SRGAP3: variants seen among roughly 807,000 people sequenced by gnomAD.
SRGAP3 encodes the protein SLIT-ROBO Rho GTPase-activating protein 3.
SRGAP3 carries 39 observed loss-of-function variants against 121.1 expected under a neutral mutation model. The ratio of observed to expected loss-of-function variants is 0.32; its 90% confidence interval spans 0.25 to 0.42. The LOEUF (loss-of-function observed/expected upper bound fraction) is 0.42, where lower values mean the gene tolerates loss of function less well. SRGAP3 is among the 10% of genes least tolerant of loss of function. The pLI is 1.00. For missense variants in SRGAP3, 1,213 were observed against 1,470.6 expected (o/e 0.82, Z 2.86); for synonymous variants, 601 against 570.0 (o/e 1.05, Z -0.77).
intron 3 of SRGAP3, among the ~76,000 whole-genome samples, chr3:9,081,462 A>G (rs907001287): frequency 6.6e-6 from 1 of 152,220 alleles, no homozygotes; most frequent in Admixed American, 6.5e-5. Context: ...TAAAAAGCTT[A>G]AACTAAAACA....
chr3:8,989,698 C>T (rs1307161602), intron 21 of SRGAP3, among the ~76,000 whole-genome samples: 4 of 152,154 alleles, frequency 2.6e-5, no homozygotes, highest in Non-Finnish European at 4.4e-5. Flanking sequence ...CCCATGAAAC[C>T]GGCTATGCAA....
chr3:9,091,626 G>A (rs191103969), intron 3 of SRGAP3, among the ~76,000 whole-genome samples: 1 of 152,304 alleles, frequency 6.6e-6, no homozygotes, highest in Non-Finnish European at 1.5e-5. Flanking sequence ...TCTCCAGCCT[G>A]TGCTGGAAGG....
intron 21 of SRGAP3, among the ~76,000 whole-genome samples, chr3:8,988,722 A>AT (rs1026347266): frequency 8.6e-5 from 13 of 150,712 alleles, no homozygotes; most frequent in Non-Finnish European, 1.3e-4. Context: ...GTGGAAGACA[A>AT]TTTTTCCACA....
In SRGAP3 at chr3:8,985,077, T is replaced by C. The variant is rs1409078451; in HGVS notation, c.*442A>G. 1 of 236,446 alleles carries C rather than the reference T, an allele frequency of 4.2e-6. No individual in the cohort carries two copies. The highest frequency in any genetic ancestry group is 2.2e-5 in the African/African-American group (1 of 45,142). The allele number at this position is 236,446 out of a possible 1,614,324, so 14.6% of individuals were successfully genotyped here. On this transcript the variant is annotated 3_prime_UTR_variant, in exon 22 of 22. Transcript: ENST00000383836. This position sits in a 1 kb window ranked among gnomAD's most constrained non-coding sequence, Gnocchi z 5.1. ...TATGCGTGTGTCCAGATCTAGTATATGTATATAGATGCATAAATATATATA... is the reference window on the plus strand; with the variant it reads ...TATGCGTGTGTCCAGATCTAGTATACGTATATAGATGCATAAATATATATA...
chr3:9,136,246 TCTC>T (rs1949643662), intron 1 of SRGAP3, among the ~76,000 whole-genome samples: 1 of 152,130 alleles, frequency 6.6e-6, no homozygotes, highest in Non-Finnish European at 1.5e-5. Context: ...TTGCCGCCCT[TCTC>T]CTAGCCTCCT....
At chr3:9,066,186 A>C (rs1360249539) in intron 4 of SRGAP3, among the ~76,000 whole-genome samples, 2 of 152,220 alleles carry the variant, frequency 1.3e-5, no homozygotes, top group Non-Finnish European at 2.9e-5. Flanking sequence ...CCATACCAAC[A>C]GCATTTTTAC....
intron 1 of SRGAP3, among the ~76,000 whole-genome samples, chr3:9,338,255 TAGATTCTAAATAAAAAA>T (rs1955724927): frequency 6.6e-6 from 1 of 152,150 alleles, no homozygotes; most frequent in Non-Finnish European, 1.5e-5. Context: ...CTTGCATATA[TAGATTCTAAATAAAAAA>T]AGAGTAGTAG....
At chr3:9,018,314 G>A (rs528338979) in intron 14 of SRGAP3, among the ~76,000 whole-genome samples, 20 of 152,254 alleles carry the variant, frequency 1.3e-4, no homozygotes, top group Admixed American at 7.2e-4. Flanking sequence ...TGCAGTAAAC[G>A]TGGGAGTGCA....
chr3:9,286,723 C>A (rs1208983357), intron 3 of SRGAP3, among the ~76,000 whole-genome samples: 1 of 150,404 alleles, frequency 6.6e-6, no homozygotes, highest in African/African-American at 2.4e-5. Flanking sequence ...CTGCCTCAGC[C>A]TCCTGAGTAG....
intron 1 of SRGAP3, among the ~76,000 whole-genome samples, chr3:9,174,240 GAA>G (rs906981828): frequency 3.3e-5 from 5 of 152,234 alleles, no homozygotes; most frequent in African/African-American, 1.2e-4. Flanking sequence ...TTTTCAGGTT[GAA>G]AAGAGTTCTG....
intron 21 of SRGAP3, among the ~76,000 whole-genome samples, chr3:8,987,728 G>A (rs113968970): frequency 1.3e-3 from 169 of 129,046 alleles, no homozygotes; most frequent in Admixed American, 1.9e-3. Context: ...CCAGAACACC[G>A]GCAACTTTAA....
At chr3:9,220,303 CAT>C (rs34680319) in intron 1 of SRGAP3, among the ~76,000 whole-genome samples, 35,799 of 151,752 alleles carry the variant, frequency 0.24, 4,451 homozygotes, top group East Asian at 0.5. Flanking sequence ...ACCCCATAAA[CAT>C]GTGCAATTAT....
intron 1 of SRGAP3, chr3:9,362,729 G>C (rs562152905): frequency 1.2e-4 from 18 of 152,226 alleles, no homozygotes; most frequent in African/African-American, 4.3e-4. Flanking sequence ...TAAATAAGCT[G>C]GAGAGACTCG....
intron 1 of SRGAP3, among the ~76,000 whole-genome samples, chr3:9,200,785 C>T (rs1053530661): frequency 6.6e-6 from 1 of 152,180 alleles, no homozygotes; most frequent in Admixed American, 6.5e-5. Context: ...TGCAGATTCC[C>T]GGGCTCCACC....
chr3:9,358,754 C>T (rs1205594380), intron 1 of SRGAP3, among the ~76,000 whole-genome samples: 4 of 152,086 alleles, frequency 2.6e-5, no homozygotes, highest in Non-Finnish European at 4.4e-5. Context: ...TTTGCTGGAG[C>T]GGCTCACAGA....
chr3:9,195,020 G>T (rs114185405), intron 1 of SRGAP3, among the ~76,000 whole-genome samples: 1 of 152,340 alleles, frequency 6.6e-6, no homozygotes, highest in African/African-American at 2.4e-5. Flanking sequence ...TGGGGTAGGA[G>T]GAGCCCTGGC....
At chr3:9,256,057 C>G (rs4686335) in intron 3 of SRGAP3, among the ~76,000 whole-genome samples, 40,591 of 151,926 alleles carry the variant, frequency 0.27, 6,323 homozygotes, top group Non-Finnish European at 0.35. Flanking sequence ...CCGAGAGACC[C>G]TGCAATGCAC....
chr3:9,136,283 G>A (rs1949645796), intron 1 of SRGAP3, among the ~76,000 whole-genome samples: 1 of 152,168 alleles, frequency 6.6e-6, no homozygotes, highest in South Asian at 2.1e-4. Context: ...CGGCTTCCGG[G>A]ACGGCCCCGA....
chr3:8,980,929 G>T lies in SRGAP3; in HGVS notation c.*4590C>A, dbSNP rs1017457750. 2 of 233,272 alleles carry T rather than the reference G, an allele frequency of 8.6e-6. No individual in the cohort carries two copies. Among genetic ancestry groups the T allele is most frequent in the Non-Finnish European group, 1.7e-5 (2 of 117,862 alleles). 14.5% of individuals were successfully genotyped at this position (233,272 alleles called of 1,614,324 possible). On this transcript the variant is annotated 3_prime_UTR_variant, in exon 22 of 22. Coordinates refer to ENST00000383836, the MANE Select transcript of SRGAP3 (RefSeq NM_014850.4). ...CACACTGCCGGGAACAAGGGCCTGGGCAGAAACCCTAGCCAGGATCTACTT... is the reference window on the plus strand; with the variant it reads ...CACACTGCCGGGAACAAGGGCCTGGTCAGAAACCCTAGCCAGGATCTACTT...
Sources: gnomAD v4.1 joint callset for allele counts (sites outside exome capture counted in the v4.1 genomes callset) on GRCh38, gnomAD v4.1.1 for gene constraint, Gnocchi (gnomAD v3.1) non-coding constraint, MANE v1.5 for transcripts, NCBI Gene and HGNC (gene_info 2026-07-23, HGNC 2026-07-21) for gene names.